The following SEMA5B variants were observed in gnomAD, a reference collection of about 807,000 sequenced individuals.
The protein encoded by SEMA5B is semaphorin 5B.
A neutral mutation model predicts 135.0 loss-of-function variants in SEMA5B; 66 were observed. The ratio of observed to expected loss-of-function variants is 0.49; its 90% CI spans 0.40 to 0.60. SEMA5B has a LOEUF of 0.60. Ranked by LOEUF, SEMA5B falls within the 20% of genes least tolerant of loss-of-function variation. SEMA5B has a pLI of 0.00. For missense variants in SEMA5B, 1,501 were observed against 1,566.3 expected, an observed-to-expected ratio of 0.96 and a Z score of 0.70; for synonymous variants, 690 against 639.5, an observed-to-expected ratio of 1.08 and a Z score of -1.19.
intron 1 of SEMA5B, among the ~76,000 whole-genome samples, chr3:122,978,806 A>C (rs1394699681): frequency 1.3e-5 from 2 of 152,172 alleles, no homozygotes; most frequent in Non-Finnish European, 2.9e-5. Context: ...AACTGAGCAA[A>C]GGGTAAAACA....
At chr3:123,017,957 C>G (rs998179043) in intron 1 of SEMA5B, among the ~76,000 whole-genome samples, 7 of 151,886 alleles carry the variant, frequency 4.6e-5, no homozygotes, top group Non-Finnish European at 1.0e-4. Flanking sequence ...GACCCCAGAC[C>G]AGCAAAAGGT....
At chr3:122,992,492 A>G (rs1356923732) in intron 1 of SEMA5B, among the ~76,000 whole-genome samples, 2 of 152,156 alleles carry the variant, frequency 1.3e-5, no homozygotes. Flanking sequence ...ATCCCTCCAC[A>G]TGCTTTTAGA....
chr3:122,956,348 T>C (rs1345607740), intron 2 of SEMA5B, among the ~76,000 whole-genome samples: 2 of 152,180 alleles, frequency 1.3e-5, no homozygotes, highest in Non-Finnish European at 1.5e-5. Flanking sequence ...TGCACGCCCA[T>C]GCACACGCCC....
At chr3:122,956,760 T>A (rs1940334808) in intron 2 of SEMA5B, among the ~76,000 whole-genome samples, 1 of 151,938 alleles carries the variant, frequency 6.6e-6, no homozygotes, top group Non-Finnish European at 1.5e-5. Context: ...CGAGGATGCA[T>A]CGGGCCGGCT....
chr3:122,966,624 A>G lies in SEMA5B; in HGVS notation c.-38-5323T>C, dbSNP rs537963662. On this transcript the variant is annotated intron_variant, in intron 1 of 22. Coordinates refer to ENST00000357599, the MANE Select transcript of SEMA5B (RefSeq NM_001031702.4). ...GGCTGGAGTGCAGTGGCGTGATCTC[A>G]GCTCACTGCAAGCTCCGCCTCCTGG... Among the ~76,000 whole-genome samples, 583 of 149,898 alleles carry G rather than the reference A, an allele frequency of 3.9e-3. 3 individuals are homozygous for G. The highest frequency in any genetic ancestry group is 5.8e-3 in the Admixed American group (87 of 15,074).
intron 1 of SEMA5B, among the ~76,000 whole-genome samples, chr3:123,019,297 G>A (rs1942625766): frequency 6.6e-6 from 1 of 152,226 alleles, no homozygotes; most frequent in East Asian, 1.9e-4. Context: ...GGAAAGTGGA[G>A]ATAAAAATAA....
chr3:122,969,169 G>T (rs184265068), intron 1 of SEMA5B, among the ~76,000 whole-genome samples: 7 of 152,292 alleles, frequency 4.6e-5, no homozygotes, highest in African/African-American at 9.6e-5. Context: ...TTTCAGATGA[G>T]GAAACTGAGG....
At chr3:122,991,623 C>G (rs769151876) in intron 1 of SEMA5B, among the ~76,000 whole-genome samples, 9 of 152,036 alleles carry the variant, frequency 5.9e-5, no homozygotes, top group African/African-American at 2.2e-4. Flanking sequence ...GCACCCTCCA[C>G]GCCATGATTA....
intron 2 of SEMA5B, among the ~76,000 whole-genome samples, chr3:122,954,230 T>C (rs1367027699): frequency 6.6e-6 from 1 of 152,198 alleles, no homozygotes; most frequent in Non-Finnish European, 1.5e-5. Flanking sequence ...GGGGCAGTTC[T>C]CTGCTACCTG....
intron 5 of SEMA5B, among the ~76,000 whole-genome samples, chr3:122,937,362 G>T (rs13320448): frequency 9.2e-5 from 14 of 152,198 alleles, no homozygotes; most frequent in Admixed American, 6.5e-4. Flanking sequence ...CAGGAGGACC[G>T]GGCACTGAAG....
chr3:122,993,756 G>A (rs1387105860), intron 1 of SEMA5B, among the ~76,000 whole-genome samples: 1 of 145,142 alleles, frequency 6.9e-6, no homozygotes, highest in African/African-American at 2.6e-5. Flanking sequence ...CACCCGCTCT[G>A]GGAGGGTGAT....
intron 2 of SEMA5B, among the ~76,000 whole-genome samples, chr3:122,953,183 G>T (rs183130334): frequency 2.0e-5 from 3 of 152,178 alleles, no homozygotes; most frequent in South Asian, 4.1e-4. Context: ...AACAGCCAAG[G>T]TGCCAGGACA....
At chr3:122,961,731 G>T (rs936182117) in intron 1 of SEMA5B, among the ~76,000 whole-genome samples, 6 of 152,040 alleles carry the variant, frequency 3.9e-5, no homozygotes, top group African/African-American at 1.2e-4. Context: ...GTGTCCTCCT[G>T]CCTCTCTCTC....
chr3:122,912,075 G>T lies in SEMA5B; in HGVS notation c.2897-6C>A, dbSNP rs752236822. The stretch of plus-strand genomic sequence containing the variant: ...AGACCAGGGCGACCAGCCTTCTGGG[G>T]ATTGTGGGTAGGATGAGGTTAACTG... On this transcript the variant is annotated splice_region_variant and splice_polypyrimidine_tract_variant and intron_variant, in intron 19 of 22. Transcript: ENST00000357599. The T allele has an allele frequency of 5.0e-6, 8 of 1,607,486 alleles. No homozygotes were observed. The highest frequency in any genetic ancestry group is 6.8e-6 in the Non-Finnish European group (8 of 1,175,038).
chr3:122,951,257 A>G (rs1196457403), intron 2 of SEMA5B, among the ~76,000 whole-genome samples: 9 of 152,218 alleles, frequency 5.9e-5, no homozygotes, highest in Non-Finnish European at 1.2e-4. Flanking sequence ...AGACAGTAAA[A>G]ATAAGAACAC....
intron 2 of SEMA5B, among the ~76,000 whole-genome samples, chr3:122,952,781 G>T (rs895700257): frequency 6.6e-6 from 1 of 152,188 alleles, no homozygotes; most frequent in African/African-American, 2.4e-5. Flanking sequence ...ATCCAAGGAG[G>T]CCCTGCTTGG....
intron 1 of SEMA5B, among the ~76,000 whole-genome samples, chr3:122,983,314 T>C (rs1008804186): frequency 6.6e-6 from 1 of 152,170 alleles, no homozygotes; most frequent in Non-Finnish European, 1.5e-5. Context: ...GTCACTTATT[T>C]CTAGTATTCT....
chr3:123,026,631 C>G (rs1210016524), intron 1 of SEMA5B, among the ~76,000 whole-genome samples: 2 of 152,228 alleles, frequency 1.3e-5, no homozygotes, highest in Non-Finnish European at 2.9e-5. Context: ...GGTCCCCGAT[C>G]CCCTCTCCCG....
chr3:122,930,085 A>T (rs1335537716), intron 5 of SEMA5B, among the ~76,000 whole-genome samples: 1 of 152,210 alleles, frequency 6.6e-6, no homozygotes, highest in Middle Eastern at 3.2e-3. Context: ...GGAGGGGAAA[A>T]AAAAGAGCCC....
Sources: allele counts gnomAD v4.1 joint callset (sites outside exome capture counted in the v4.1 genomes callset), GRCh38; gene constraint gnomAD v4.1.1; transcripts MANE v1.5; gene names NCBI Gene and HGNC (gene_info 2026-07-23, HGNC 2026-07-21).